RANBP2: variants seen among roughly 807,000 people sequenced by gnomAD.
RANBP2 encodes E3 SUMO-protein ligase RanBP2.
A neutral mutation model predicts 303.6 loss-of-function variants in RANBP2; 57 were observed. The observed-to-expected ratio is 0.19, with a 90% CI of 0.15 to 0.23. The LOEUF (loss-of-function observed/expected upper bound fraction) is 0.23. Ranked by LOEUF, RANBP2 falls within the 10% of genes least tolerant of loss-of-function variation. The pLI, the probability that RANBP2 is intolerant of heterozygous loss-of-function variation, is 1.00. For missense variants in RANBP2, 3,138 were observed against 3,780.8 expected (o/e 0.83, Z 4.46); for synonymous variants, 1,167 against 1,301.5 (o/e 0.90, Z 2.23).
the RANBP2 span, among the ~76,000 whole-genome samples, chr2:108,900,571 A>AAAAC: frequency 1.4e-5 from 2 of 147,418 alleles, no homozygotes; most frequent in Admixed American, 6.7e-5. Context: ...AAAAAAAAAA[A>AAAAC]AACAAAAAAC....
chr2:109,237,472 G>A, the RANBP2 span, among the ~76,000 whole-genome samples: 1 of 152,216 alleles, frequency 6.6e-6, no homozygotes, highest in Non-Finnish European at 1.5e-5. Context: ...CCAGCATGAT[G>A]GATTGGAAGT....
At chr2:109,539,671 C>T in the RANBP2 span, among the ~76,000 whole-genome samples, 5 of 152,116 alleles carry the variant, frequency 3.3e-5, no homozygotes, top group East Asian at 5.8e-4. Context: ...CTTGAACACC[C>T]GACCTCAGGT....
the RANBP2 span, among the ~76,000 whole-genome samples, chr2:109,262,932 C>T: frequency 6.6e-6 from 1 of 151,956 alleles, no homozygotes; most frequent in East Asian, 1.9e-4. Context: ...TCCCGGGTTC[C>T]AGCAACTCTT....
chr2:108,812,412 G>A, the RANBP2 span, among the ~76,000 whole-genome samples: 4 of 152,200 alleles, frequency 2.6e-5, 1 homozygote, highest in Admixed American at 2.6e-4. Flanking sequence ...CTGGAGTCTT[G>A]TACATTTTTC....
the RANBP2 span, among the ~76,000 whole-genome samples, chr2:109,297,119 A>C: frequency 6.6e-6 from 1 of 151,886 alleles, no homozygotes; most frequent in East Asian, 1.9e-4. Flanking sequence ...ACGGCTCCAC[A>C]GAGAGTAAGA....
At chr2:109,737,960 C>A in the RANBP2 span, among the ~76,000 whole-genome samples, 1 of 152,080 alleles carries the variant, frequency 6.6e-6, no homozygotes, top group Non-Finnish European at 1.5e-5. Flanking sequence ...TATTTGAGTT[C>A]TTTGTTTATT....
chr2:108,999,866 T>A, the RANBP2 span, among the ~76,000 whole-genome samples: 2 of 152,216 alleles, frequency 1.3e-5, no homozygotes, highest in African/African-American at 4.8e-5. Flanking sequence ...GGTCAAGGGC[T>A]TGAACCCAGG....
the RANBP2 span, among the ~76,000 whole-genome samples, chr2:109,346,677 A>C: frequency 2.0e-5 from 3 of 152,128 alleles, no homozygotes; most frequent in African/African-American, 7.2e-5. Context: ...AAGACATCAC[A>C]TCAGTTTCCG....
chr2:108,772,784 G>T, intron 22 of RANBP2, 84 bp from the exon 23 acceptor site: 1 of 1,436,242 alleles, frequency 7.0e-7, no homozygotes, highest in African/African-American at 1.4e-5. Context: ...ACCTGGGTCT[G>T]TGGATTATGT....
chr2:109,215,061 G>T, the RANBP2 span, among the ~76,000 whole-genome samples: 1 of 152,192 alleles, frequency 6.6e-6, no homozygotes, highest in African/African-American at 2.4e-5. Flanking sequence ...GCTGTCCATG[G>T]AAAAAATGAG....
the RANBP2 span, among the ~76,000 whole-genome samples, chr2:109,725,781 G>A: frequency 5.9e-5 from 9 of 151,906 alleles, no homozygotes; most frequent in Non-Finnish European, 1.0e-4. Context: ...CACCCAGGCT[G>A]GAGTGCAGTG....
At chr2:109,244,926 C>T in the RANBP2 span, among the ~76,000 whole-genome samples, 1 of 152,214 alleles carries the variant, frequency 6.6e-6, no homozygotes, top group African/African-American at 2.4e-5. Context: ...AGTTGGCTGG[C>T]CCTGAGCTTG....
the RANBP2 span, among the ~76,000 whole-genome samples, chr2:109,105,535 C>T: frequency 1.3e-5 from 2 of 152,136 alleles, no homozygotes; most frequent in African/African-American, 4.8e-5. Context: ...CCTTTCATTC[C>T]TGCTCTAAAA....
chr2:109,699,627 T>G, the RANBP2 span, among the ~76,000 whole-genome samples: 3 of 152,192 alleles, frequency 2.0e-5, no homozygotes, highest in African/African-American at 7.2e-5. Flanking sequence ...TTCATCCTCA[T>G]TATCTTCACA....
the RANBP2 span, among the ~76,000 whole-genome samples, chr2:109,626,723 C>T: frequency 6.6e-6 from 1 of 152,166 alleles, no homozygotes; most frequent in African/African-American, 2.4e-5. Context: ...GCTGCTCAGA[C>T]CTGTACTTCT....
chr2:109,464,465 C>T, the RANBP2 span, among the ~76,000 whole-genome samples: 1 of 152,174 alleles, frequency 6.6e-6, no homozygotes, highest in African/African-American at 2.4e-5. Context: ...CATGTGCACA[C>T]ATGTAAACAT....
At chr2:109,338,953 A>G in the RANBP2 span, among the ~76,000 whole-genome samples, 5 of 152,390 alleles carry the variant, frequency 3.3e-5, no homozygotes, top group Admixed American at 1.3e-4. Flanking sequence ...TGGGAGAACT[A>G]TACATTATAT....
the RANBP2 span, among the ~76,000 whole-genome samples, chr2:109,679,494 A>G: frequency 6.6e-6 from 1 of 152,218 alleles, no homozygotes. Flanking sequence ...ATTTCTGTGC[A>G]TATGTGTGTA....
At chr2:109,354,580 T>C in the RANBP2 span, among the ~76,000 whole-genome samples, 1 of 152,266 alleles carries the variant, frequency 6.6e-6, no homozygotes, top group Non-Finnish European at 1.5e-5. Context: ...TTTTCAGTGA[T>C]CGTGGCATTT....
Sources: gnomAD v4.1 joint callset for allele counts (sites outside exome capture counted in the v4.1 genomes callset) on GRCh38, gnomAD v4.1.1 for gene constraint, MANE v1.5 for transcripts, NCBI Gene and HGNC (gene_info 2026-07-23, HGNC 2026-07-21) for gene names.